The following ARMC3 variants were observed in gnomAD, a reference collection of about 807,000 sequenced individuals.
ARMC3 encodes the protein armadillo repeat containing 3.
ARMC3 carries 74 observed loss-of-function variants against 90.3 expected under a neutral mutation model. The ratio of observed to expected loss-of-function variants is 0.82; its 90% CI spans 0.68 to 0.99. The LOEUF (loss-of-function observed/expected upper bound fraction) is 0.99. Among genes scored for constraint, ARMC3 ranks in the 50% least tolerant of loss-of-function variants. ARMC3 has a pLI of 0.00. For missense variants in ARMC3, 958 were observed against 1,042.8 expected, an observed-to-expected ratio of 0.92 and a Z score of 1.12; for synonymous variants, 334 against 361.8, an observed-to-expected ratio of 0.92 and a Z score of 0.87.
At chr10:22,928,476 C>CGTTCA (rs911760337) in intron 1 of ARMC3, among the ~76,000 whole-genome samples, 2 of 151,886 alleles carry the variant, frequency 1.3e-5, no homozygotes, top group Non-Finnish European at 2.9e-5. Flanking sequence ...ATAGGCTGAA[C>CGTTCA]GTTCACGAAG....
intron 8 of ARMC3, among the ~76,000 whole-genome samples, chr10:22,969,018 C>G (rs969129859): frequency 3.3e-5 from 5 of 152,246 alleles, no homozygotes; most frequent in African/African-American, 9.6e-5. Flanking sequence ...CAATTCATTT[C>G]TACATTAAGT....
intron 2 of ARMC3, among the ~76,000 whole-genome samples, chr10:22,934,861 G>C (rs1181813973): frequency 6.6e-6 from 1 of 152,146 alleles, no homozygotes; most frequent in Non-Finnish European, 1.5e-5. Flanking sequence ...ACAGAACTGA[G>C]TAAGTTTGTA....
chr10:22,944,442 A>G (rs886066341), intron 2 of ARMC3, among the ~76,000 whole-genome samples: 4 of 152,158 alleles, frequency 2.6e-5, no homozygotes, highest in Admixed American at 6.5e-5. Context: ...TCTTCAAATC[A>G]TATCTGAAGT....
At chr10:22,957,597 T>A (rs190579592) in intron 4 of ARMC3, among the ~76,000 whole-genome samples, 50 of 152,258 alleles carry the variant, frequency 3.3e-4, no homozygotes, top group African/African-American at 1.2e-3. Context: ...GGCCAGGCAC[T>A]GTGCTAAGTG....
At chr10:23,023,898 CAGA>C (rs1419032849) in intron 16 of ARMC3, among the ~76,000 whole-genome samples, 2 of 151,984 alleles carry the variant, frequency 1.3e-5, no homozygotes, top group African/African-American at 4.8e-5. Flanking sequence ...ATTGCAGTTC[CAGA>C]AGGAGAGGAG....
At chr10:22,949,910 A>G (rs991655359) in intron 3 of ARMC3, among the ~76,000 whole-genome samples, 4 of 152,178 alleles carry the variant, frequency 2.6e-5, no homozygotes, top group African/African-American at 7.2e-5. Flanking sequence ...ATGACAGTAG[A>G]TAATAACAAA....
At chr10:22,957,885 C>T (rs1184685057) in intron 4 of ARMC3, among the ~76,000 whole-genome samples, 3 of 151,882 alleles carry the variant, frequency 2.0e-5, no homozygotes, top group Non-Finnish European at 2.9e-5. Context: ...ACTTACATAC[C>T]ATTGAATTTG....
At chr10:23,012,866 C>T (rs1838082421) in intron 16 of ARMC3, among the ~76,000 whole-genome samples, 1 of 151,648 alleles carries the variant, frequency 6.6e-6, no homozygotes, top group Non-Finnish European at 1.5e-5. Context: ...CATGCATGTG[C>T]CCCCAGAGGT....
chr10:22,999,088 T>A (rs929639273), intron 11 of ARMC3, among the ~76,000 whole-genome samples: 1 of 152,204 alleles, frequency 6.6e-6, no homozygotes, highest in Non-Finnish European at 1.5e-5. Flanking sequence ...GACAAACAGG[T>A]GTGCTTTTTA....
chr10:22,974,274 T>G (rs1287565655), intron 8 of ARMC3, among the ~76,000 whole-genome samples: 1 of 152,184 alleles, frequency 6.6e-6, no homozygotes, highest in Non-Finnish European at 1.5e-5. Context: ...AGAAGTATAA[T>G]TAGGGTTAAG....
At chr10:22,980,632 A>C (rs567887695) in intron 8 of ARMC3, among the ~76,000 whole-genome samples, 45 of 152,284 alleles carry the variant, frequency 3.0e-4, no homozygotes, top group Admixed American at 1.3e-3. Flanking sequence ...AAATGAAGCC[A>C]AGAGAAAACA....
At chr10:22,963,916 CACACACAAAAAAAAAAAAAAAA>C (rs1835324002) in intron 7 of ARMC3, among the ~76,000 whole-genome samples, 2 of 33,724 alleles carry the variant, frequency 5.9e-5, no homozygotes, top group Non-Finnish European at 1.3e-4. Flanking sequence ...CACACACACA[CACACACAAAAAAAAAAAAAAAA>C]AAAAAAAAAA....
intron 2 of ARMC3, among the ~76,000 whole-genome samples, chr10:22,933,686 C>T (rs993539759): frequency 5.3e-5 from 8 of 152,076 alleles, no homozygotes; most frequent in Admixed American, 5.2e-4. Context: ...GAGATTGAGA[C>T]CATCCTGGCT....
chr10:23,027,365 G>T (rs71491945), intron 16 of ARMC3, among the ~76,000 whole-genome samples: 3,562 of 152,228 alleles, frequency 0.023, 60 homozygotes, highest in Non-Finnish European at 0.035. Flanking sequence ...AAGTTTATCT[G>T]TAAGTATTTT....
intron 10 of ARMC3, among the ~76,000 whole-genome samples, chr10:22,989,293 A>G (rs996079161): frequency 6.6e-6 from 1 of 152,134 alleles, no homozygotes; most frequent in African/African-American, 2.4e-5. Flanking sequence ...CTTGTGTTTG[A>G]CTTTGTCCCC....
At chr10:23,009,434 T>C (rs1404029840) in intron 16 of ARMC3, among the ~76,000 whole-genome samples, 2 of 152,204 alleles carry the variant, frequency 1.3e-5, no homozygotes, top group East Asian at 3.8e-4. Flanking sequence ...GAGAGGCAAA[T>C]AGAGCAACGC....
intron 16 of ARMC3, among the ~76,000 whole-genome samples, chr10:23,029,114 G>A (rs1717282757): frequency 6.6e-6 from 1 of 152,202 alleles, no homozygotes; most frequent in Admixed American, 6.5e-5. Context: ...TATGGGCTTA[G>A]AATGCACAAG....
intron 12 of ARMC3, 111 bp from the exon 13 acceptor site, chr10:23,003,135 T>C (rs890121199): frequency 1.0e-6 from 1 of 967,388 alleles, no homozygotes; most frequent in African/African-American, 1.7e-5. Flanking sequence ...TGGGGGAGGC[T>C]TTAAGCTCCA....
chr10:22,946,363 G>A (rs1457511517), intron 3 of ARMC3, 102 bp downstream of exon 3: 4 of 713,792 alleles, frequency 5.6e-6, no homozygotes, highest in East Asian at 2.7e-5. Flanking sequence ...ACTTGCTGTC[G>A]GATGAATTAT....
Sources: allele counts gnomAD v4.1 joint callset (sites outside exome capture counted in the v4.1 genomes callset), GRCh38; gene constraint gnomAD v4.1.1; transcripts MANE v1.5; gene names NCBI Gene and HGNC (gene_info 2026-07-23, HGNC 2026-07-21).